Variants in NKAIN3 observed in about 807,000 individuals in gnomAD.
NKAIN3 encodes the protein sodium/potassium transporting ATPase interacting 3.
Under a neutral mutation model 30.2 loss-of-function variants are expected in NKAIN3, and 25 were observed. That is an observed-to-expected ratio of 0.83 (90% CI 0.60 to 1.16). NKAIN3 has a LOEUF of 1.16. Among genes scored for constraint, NKAIN3 ranks in the 50% most tolerant of loss-of-function variants. The pLI is 0.00. For missense variants in NKAIN3, 225 were observed against 254.1 expected, an observed-to-expected ratio of 0.89 and a Z score of 0.78; for synonymous variants, 91 against 89.6, an observed-to-expected ratio of 1.02 and a Z score of -0.09.
At chr8:62,587,275 T>C (rs918858051) in intron 2 of NKAIN3, among the ~76,000 whole-genome samples, 8 of 151,986 alleles carry the variant, frequency 5.3e-5, no homozygotes, top group African/African-American at 1.9e-4. Context: ...ATTTTCTTTG[T>C]TCTCAGCAAA....
chr8:62,797,925 A>G (rs1180803807), intron 4 of NKAIN3, among the ~76,000 whole-genome samples: 1 of 152,210 alleles, frequency 6.6e-6, no homozygotes, highest in Non-Finnish European at 1.5e-5. Flanking sequence ...TTATGCTGCC[A>G]CAAATTAATG....
chr8:62,693,968 TATA>T (rs977176883), intron 3 of NKAIN3, among the ~76,000 whole-genome samples: 2 of 152,310 alleles, frequency 1.3e-5, no homozygotes, highest in African/African-American at 2.4e-5. Context: ...TTTATTGATA[TATA>T]ATAATTATAC....
chr8:62,343,436 A>G (rs769124076), intron 1 of NKAIN3, among the ~76,000 whole-genome samples: 18 of 152,110 alleles, frequency 1.2e-4, no homozygotes, highest in Non-Finnish European at 2.4e-4. Flanking sequence ...TCTCATTTAT[A>G]TACATAAAAC....
rs34383058 is a variant in NKAIN3 at position 62,977,742 on chromosome 8, AT to A, written c.*12337del. On this transcript the variant is annotated 3_prime_UTR_variant, in exon 7 of 7. Transcript: ENST00000623646. ...TTGTCAAACACATTCTCCATTCAGT[AT>A]TGTTCCCTTGCTGGTAAGGAGTTGT... 31,711 of 151,910 alleles carry A rather than the reference AT, an allele frequency of 0.21. 4,215 individuals carry two copies. Among genetic ancestry groups the A allele is most frequent in the South Asian group, 0.34 (1,637 of 4,806 alleles). The allele number at this position is 151,910 out of a possible 1,614,324, so 9.4% of individuals were successfully genotyped here. A position where few individuals can be genotyped will look rare whatever the true frequency, so the allele number is the denominator to read the frequency against.
intron 3 of NKAIN3, among the ~76,000 whole-genome samples, chr8:62,713,700 A>T (rs1407467990): frequency 6.6e-6 from 1 of 152,212 alleles, no homozygotes; most frequent in Admixed American, 6.5e-5. Context: ...CAAATCAAGA[A>T]CAGATTGAAG....
At chr8:62,412,627 GC>G (rs1804279894) in intron 1 of NKAIN3, among the ~76,000 whole-genome samples, 1 of 151,974 alleles carries the variant, frequency 6.6e-6, no homozygotes, top group Non-Finnish European at 1.5e-5. Flanking sequence ...GGGTGCGGTG[GC>G]TCACAACTGT....
At chr8:62,848,731 AACTTG>A (rs1819768175) in intron 4 of NKAIN3, among the ~76,000 whole-genome samples, 1 of 152,104 alleles carries the variant, frequency 6.6e-6, no homozygotes, top group Non-Finnish European at 1.5e-5. Context: ...AGAGAGGGCA[AACTTG>A]ACTTGAGCCA....
chr8:62,947,667 C>A (rs1273466980), intron 5 of NKAIN3, among the ~76,000 whole-genome samples: 1 of 152,126 alleles, frequency 6.6e-6, no homozygotes, highest in South Asian at 2.1e-4. Flanking sequence ...TCATAGAAGG[C>A]GACACAGCTT....
At chr8:62,512,929 GA>G (rs768692906) in intron 1 of NKAIN3, among the ~76,000 whole-genome samples, 1 of 152,042 alleles carries the variant, frequency 6.6e-6, no homozygotes, top group Non-Finnish European at 1.5e-5. Flanking sequence ...CAAGTATTTA[GA>G]AACAAATAAA....
At chr8:62,260,420 T>G (rs2129389350) in intron 1 of NKAIN3, among the ~76,000 whole-genome samples, 1 of 152,328 alleles carries the variant, frequency 6.6e-6, no homozygotes, top group African/African-American at 2.4e-5. Context: ...AAATATAAAT[T>G]CTTGATGAAG....
intron 1 of NKAIN3, among the ~76,000 whole-genome samples, chr8:62,551,307 G>C (rs929131843): frequency 3.3e-5 from 5 of 152,096 alleles, no homozygotes; most frequent in African/African-American, 1.2e-4. Context: ...ATCTACTTCT[G>C]TAATCTGAAC....
chr8:62,727,106 G>A (rs1297278547), intron 3 of NKAIN3, among the ~76,000 whole-genome samples: 1 of 151,992 alleles, frequency 6.6e-6, no homozygotes, highest in African/African-American at 2.4e-5. Flanking sequence ...AAAATTACAT[G>A]GTCATGTCAA....
intron 1 of NKAIN3, among the ~76,000 whole-genome samples, chr8:62,571,578 C>G (rs752777824): frequency 6.6e-6 from 1 of 152,146 alleles, no homozygotes; most frequent in East Asian, 1.9e-4. Context: ...AGCGCCAACC[C>G]CACATTTCCC....
chr8:62,735,713 T>G (rs1034691649), intron 3 of NKAIN3, among the ~76,000 whole-genome samples: 3 of 152,156 alleles, frequency 2.0e-5, no homozygotes, highest in Non-Finnish European at 4.4e-5. Flanking sequence ...TTAAAGAAAC[T>G]TGTTTTGTTA....
intron 4 of NKAIN3, chr8:62,856,283 A>G: frequency 1.1e-6 from 1 of 935,674 alleles, no homozygotes; most frequent in Non-Finnish European, 1.8e-6. Context: ...CCTCTGGACC[A>G]GATTATAAAT....
intron 1 of NKAIN3, among the ~76,000 whole-genome samples, chr8:62,315,635 T>C (rs1585668752): frequency 6.6e-6 from 1 of 152,282 alleles, no homozygotes; most frequent in East Asian, 1.9e-4. Context: ...ACCAATGTAG[T>C]GTACATCTTT....
At chr8:62,963,923 T>C (rs538495889) in intron 6 of NKAIN3, among the ~76,000 whole-genome samples, 28 of 152,150 alleles carry the variant, frequency 1.8e-4, no homozygotes, top group Non-Finnish European at 3.1e-4. Flanking sequence ...GGGAAATTTT[T>C]CAGCCATTCC....
chr8:62,825,109 C>T (rs1563580386), intron 4 of NKAIN3, among the ~76,000 whole-genome samples: 1 of 152,168 alleles, frequency 6.6e-6, no homozygotes, highest in Non-Finnish European at 1.5e-5. Context: ...GGACCCCACC[C>T]ATTGCCTTAC....
At chr8:62,737,493 G>A (rs1261314555) in intron 3 of NKAIN3, among the ~76,000 whole-genome samples, 2 of 152,164 alleles carry the variant, frequency 1.3e-5, no homozygotes, top group Non-Finnish European at 2.9e-5. Flanking sequence ...GGCTTTCTCT[G>A]GACCACTTCT....
Sources: gnomAD v4.1 joint callset for allele counts (sites outside exome capture counted in the v4.1 genomes callset) on GRCh38, gnomAD v4.1.1 for gene constraint, MANE v1.5 for transcripts, NCBI Gene and HGNC (gene_info 2026-07-23, HGNC 2026-07-21) for gene names.